SIPA1L1: variants seen among roughly 807,000 people sequenced by gnomAD.
SIPA1L1 encodes signal-induced proliferation-associated 1-like protein 1.
A neutral mutation model predicts 162.7 loss-of-function variants in SIPA1L1; 26 were observed. The ratio of observed to expected loss-of-function variants is 0.16; its 90% CI spans 0.12 to 0.22. The LOEUF (loss-of-function observed/expected upper bound fraction) is 0.22. Ranked by LOEUF, SIPA1L1 falls within the 10% of genes least tolerant of loss-of-function variation. SIPA1L1 has a pLI of 1.00. For missense variants in SIPA1L1, 1,874 were observed against 2,241.0 expected (o/e 0.84, Z 3.31); for synonymous variants, 829 against 837.4 (o/e 0.99, Z 0.17).
intron 13 of SIPA1L1, among the ~76,000 whole-genome samples, chr14:71,687,338 C>G (rs1169952594): frequency 6.6e-6 from 1 of 152,188 alleles, no homozygotes; most frequent in Non-Finnish European, 1.5e-5. Context: ...ACATTCCAGA[C>G]TTGGCTGCCT....
At chr14:71,558,626 G>T (rs2056542448) in intron 4 of SIPA1L1, among the ~76,000 whole-genome samples, 1 of 152,180 alleles carries the variant, frequency 6.6e-6, no homozygotes, top group Non-Finnish European at 1.5e-5. Flanking sequence ...GTTTGCTGAT[G>T]TAGGTTTAGT....
chr14:71,700,736 T>C (rs927302598), intron 14 of SIPA1L1, among the ~76,000 whole-genome samples: 4 of 152,142 alleles, frequency 2.6e-5, no homozygotes, highest in Admixed American at 2.0e-4. Flanking sequence ...GGCTGTCGCC[T>C]GTAATCCCAG....
At chr14:71,579,646 C>A (rs748326511) in intron 4 of SIPA1L1, among the ~76,000 whole-genome samples, 1 of 152,120 alleles carries the variant, frequency 6.6e-6, no homozygotes, top group Non-Finnish European at 1.5e-5. Flanking sequence ...TTTTCTTTTA[C>A]GTTCTAGGTT....
At chr14:71,602,707 A>G (rs1393693790) in intron 5 of SIPA1L1, among the ~76,000 whole-genome samples, 1 of 152,250 alleles carries the variant, frequency 6.6e-6, no homozygotes, top group East Asian at 1.9e-4. Flanking sequence ...GTGGCCTGTT[A>G]GGAACCAGGC....
chr14:71,687,485 T>C (rs747455985), intron 13 of SIPA1L1, among the ~76,000 whole-genome samples: 4 of 152,232 alleles, frequency 2.6e-5, no homozygotes, highest in Non-Finnish European at 5.9e-5. Flanking sequence ...CAGCAGGCTT[T>C]CACAAGTGAA....
chr14:71,438,033 T>C (rs977171444), intron 2 of SIPA1L1, among the ~76,000 whole-genome samples: 22 of 152,210 alleles, frequency 1.4e-4, no homozygotes, highest in Admixed American at 1.3e-3. Flanking sequence ...GTTATCTCCT[T>C]ACATTTTAGC....
intron 2 of SIPA1L1, among the ~76,000 whole-genome samples, chr14:71,332,053 T>C (rs2034605412): frequency 1.3e-5 from 2 of 152,176 alleles, no homozygotes. Flanking sequence ...GGACATTTGG[T>C]AGAATTTCCA....
chr14:71,376,503 CTT>C (rs34468277), intron 2 of SIPA1L1, among the ~76,000 whole-genome samples: 39 of 147,516 alleles, frequency 2.6e-4, no homozygotes, highest in African/African-American at 9.4e-4. Flanking sequence ...AATCAGGCAA[CTT>C]TTTTTTTTTT....
chr14:71,481,336 G>A (rs1473850596), intron 2 of SIPA1L1, among the ~76,000 whole-genome samples: 5 of 152,044 alleles, frequency 3.3e-5, no homozygotes, highest in Non-Finnish European at 5.9e-5. Flanking sequence ...AAAATCAGCC[G>A]GACATGGTAG....
intron 19 of SIPA1L1, among the ~76,000 whole-genome samples, chr14:71,728,132 A>G (rs551349542): frequency 1.3e-5 from 2 of 152,306 alleles, no homozygotes; most frequent in African/African-American, 4.8e-5. Flanking sequence ...GCTGAAAACT[A>G]TTTAGCAGCA....
chr14:71,560,028 G>A (rs1354325491), intron 4 of SIPA1L1, among the ~76,000 whole-genome samples: 2 of 152,212 alleles, frequency 1.3e-5, no homozygotes, highest in South Asian at 2.1e-4. Flanking sequence ...ATTTAAAGAT[G>A]CATCTTAAGA....
intron 2 of SIPA1L1, among the ~76,000 whole-genome samples, chr14:71,467,838 A>G (rs576387114): frequency 6.8e-6 from 1 of 146,384 alleles, no homozygotes; most frequent in South Asian, 2.3e-4. Context: ...AAACATAACT[A>G]GACCCCCATC....
intron 7 of SIPA1L1, among the ~76,000 whole-genome samples, chr14:71,625,898 A>G (rs1404094364): frequency 1.3e-4 from 20 of 152,202 alleles, no homozygotes; most frequent in Admixed American, 1.3e-3. Context: ...TGGATACTCT[A>G]CTTGTAGACA....
chr14:71,451,632 CAAA>C (rs762968378), intron 2 of SIPA1L1, among the ~76,000 whole-genome samples: 6 of 54,382 alleles, frequency 1.1e-4, no homozygotes, highest in Admixed American at 6.2e-4. Context: ...GACCTTGTCT[CAAA>C]AAAAAAAAAA....
At chr14:71,636,019 C>G (rs1469730962) in intron 7 of SIPA1L1, among the ~76,000 whole-genome samples, 1 of 151,818 alleles carries the variant, frequency 6.6e-6, no homozygotes, top group Non-Finnish European at 1.5e-5. Context: ...AGACAGCAAT[C>G]CTAGGTATAT....
At chr14:71,705,968 C>A (rs2082407673) in intron 16 of SIPA1L1, among the ~76,000 whole-genome samples, 1 of 152,082 alleles carries the variant, frequency 6.6e-6, no homozygotes, top group Non-Finnish European at 1.5e-5. Context: ...ACGCCCTCCC[C>A]ATGCAGTTGA....
intron 5 of SIPA1L1, among the ~76,000 whole-genome samples, chr14:71,595,009 C>CAGCGTGGCTCAGCTGCA (rs1183027515): frequency 2.6e-5 from 4 of 152,112 alleles, no homozygotes; most frequent in Non-Finnish European, 5.9e-5. Context: ...CTCAAAGTCC[C>CAGCGTGGCTCAGCTGCA]AGCGTGGCTC....
intron 2 of SIPA1L1, among the ~76,000 whole-genome samples, chr14:71,511,700 G>A (rs373471575): frequency 4.6e-5 from 7 of 152,250 alleles, no homozygotes; most frequent in East Asian, 3.9e-4. Context: ...ATATTAATAC[G>A]ATGACTAGTG....
rs752245335 is a variant in SIPA1L1, at chr14:71,730,300, T to C, written c.4860T>C (p.His1620=). The C allele has an allele frequency of 6.2e-7, 1 of 1,613,924 alleles. No homozygotes were observed. Among genetic ancestry groups the C allele is most frequent in the East Asian group, 2.2e-5 (1 of 44,876 alleles). Residue 1620 remains histidine (H), a splice_region_variant and synonymous_variant, in exon 20 of 24, where the codon CAT becomes CAC. Transcript: ENST00000381232. ...ACACCTTAGGAATGAAATCGCTGCATGGTAAGTGGTCTTTCAGCTGCAGCC... is the reference window on the plus strand; with the variant it reads ...ACACCTTAGGAATGAAATCGCTGCACGGTAAGTGGTCTTTCAGCTGCAGCC... ...PSYTLGMKSL[H]GEFSASDSSL... is the part of the protein sequence containing the mutation.
Sources: gnomAD v4.1 joint callset for allele counts (sites outside exome capture counted in the v4.1 genomes callset) on GRCh38, gnomAD v4.1.1 for gene constraint, MANE v1.5 for transcripts, NCBI Gene and HGNC (gene_info 2026-07-23, HGNC 2026-07-21) for gene names.